CREB5: variants seen among roughly 807,000 people sequenced by gnomAD.
CREB5 encodes the protein cAMP responsive element binding protein 5, also known as cyclic AMP-responsive element-binding protein 5.
A neutral mutation model predicts 57.1 loss-of-function variants in CREB5; 19 were observed. The ratio of observed to expected loss-of-function variants is 0.33; its 90% CI spans 0.23 to 0.49. The LOEUF is 0.49. Among genes scored for constraint, CREB5 ranks in the 20% least tolerant of loss-of-function variants. The pLI is 0.99. For missense variants in CREB5, 579 were observed against 671.6 expected (o/e 0.86, Z 1.52); for synonymous variants, 238 against 238.3 (o/e 1.00, Z 0.01).
chr7:28,680,736 G>T (rs1422288305), intron 5 of CREB5, among the ~76,000 whole-genome samples: 1 of 147,932 alleles, frequency 6.8e-6, no homozygotes, highest in African/African-American at 2.5e-5. Flanking sequence ...TCCAGCCTAG[G>T]CAACAGAACA....
chr7:28,380,159 T>C (rs1394067748), intron 1 of CREB5, among the ~76,000 whole-genome samples: 1 of 152,184 alleles, frequency 6.6e-6, no homozygotes, highest in African/African-American at 2.4e-5. Flanking sequence ...ATCTGTCAAA[T>C]GTTATTGACC....
intron 1 of CREB5, among the ~76,000 whole-genome samples, chr7:28,405,456 T>C (rs1326018775): frequency 5.3e-5 from 8 of 152,318 alleles, no homozygotes; most frequent in Admixed American, 3.3e-4. Flanking sequence ...CTATCATCCA[T>C]GCTGGAGTGC....
chr7:28,521,656 TACTA>T (rs1793212533), intron 4 of CREB5, among the ~76,000 whole-genome samples: 1 of 152,206 alleles, frequency 6.6e-6, no homozygotes, highest in Non-Finnish European at 1.5e-5. Flanking sequence ...AAATAGCTCT[TACTA>T]ACCTTCTACA....
At chr7:28,600,194 T>C (rs1796860548) in intron 5 of CREB5, among the ~76,000 whole-genome samples, 1 of 152,050 alleles carries the variant, frequency 6.6e-6, no homozygotes, top group Non-Finnish European at 1.5e-5. Context: ...TACACTTACC[T>C]CTCCTTGAGC....
At chr7:28,729,701 A>G (rs1039509992) in intron 7 of CREB5, among the ~76,000 whole-genome samples, 2 of 151,312 alleles carry the variant, frequency 1.3e-5, no homozygotes, top group Non-Finnish European at 2.9e-5. Context: ...CCCCAGCTTC[A>G]CTTCCTAAAA....
intron 1 of CREB5, among the ~76,000 whole-genome samples, chr7:28,361,714 T>C (rs1786488139): frequency 6.6e-6 from 1 of 152,182 alleles, no homozygotes; most frequent in African/African-American, 2.4e-5. Flanking sequence ...TCCCACAGCA[T>C]TCAATACATT....
chr7:28,755,651 A>G (rs1189296935), intron 7 of CREB5, among the ~76,000 whole-genome samples: 1 of 152,198 alleles, frequency 6.6e-6, no homozygotes, highest in Non-Finnish European at 1.5e-5. Flanking sequence ...AGTAATAAGA[A>G]AAAAACTTAC....
At chr7:28,394,650 G>T (rs2127998480) in intron 1 of CREB5, among the ~76,000 whole-genome samples, 1 of 151,974 alleles carries the variant, frequency 6.6e-6, no homozygotes, top group Non-Finnish European at 1.5e-5. Context: ...GTTAAAAGAG[G>T]GTCCCCCACC....
intron 5 of CREB5, among the ~76,000 whole-genome samples, chr7:28,684,733 T>C (rs1583542482): frequency 7.7e-6 from 1 of 129,652 alleles, no homozygotes; most frequent in Admixed American, 8.3e-5. Context: ...ATGGTCATTT[T>C]TGGAAAAGGA....
intron 4 of CREB5, among the ~76,000 whole-genome samples, chr7:28,563,949 C>T (rs767375087): frequency 2.0e-5 from 3 of 152,160 alleles, no homozygotes; most frequent in Admixed American, 6.5e-5. Context: ...GGCAGCCTGT[C>T]CTCTTAGCAA....
intron 7 of CREB5, among the ~76,000 whole-genome samples, chr7:28,745,070 A>T (rs989497456): frequency 1.3e-5 from 2 of 152,226 alleles, no homozygotes; most frequent in Non-Finnish European, 2.9e-5. Context: ...GTGCATTTGC[A>T]CAATTCTGAG....
At chr7:28,497,893 T>C (rs1792120250) in intron 3 of CREB5, among the ~76,000 whole-genome samples, 1 of 152,218 alleles carries the variant, frequency 6.6e-6, no homozygotes, top group African/African-American at 2.4e-5. Flanking sequence ...GACTGTTGCT[T>C]GATTTATTTA....
At chr7:28,660,583 C>T (rs1482332256) in intron 5 of CREB5, among the ~76,000 whole-genome samples, 1 of 151,950 alleles carries the variant, frequency 6.6e-6, no homozygotes, top group African/African-American at 2.4e-5. Flanking sequence ...ACTGTCCACA[C>T]AAACATGAAA....
intron 5 of CREB5, among the ~76,000 whole-genome samples, chr7:28,693,833 T>G (rs1801400769): frequency 6.6e-6 from 1 of 152,206 alleles, no homozygotes; most frequent in African/African-American, 2.4e-5. Flanking sequence ...TCTTTGGAAG[T>G]CTGGATAATA....
At chr7:28,615,915 T>A (rs773032272) in intron 5 of CREB5, 4 of 152,216 alleles carry the variant, frequency 2.6e-5, no homozygotes, top group Non-Finnish European at 5.9e-5. Flanking sequence ...GTCACTGGTA[T>A]TTTCTCAGAG....
intron 4 of CREB5, among the ~76,000 whole-genome samples, chr7:28,563,746 A>G (rs1425924748): frequency 6.6e-6 from 1 of 152,194 alleles, no homozygotes; most frequent in Non-Finnish European, 1.5e-5. Flanking sequence ...TAGAGTTTTC[A>G]TAGCCCCCCT....
At chr7:28,608,205 C>T (rs1239343305) in intron 5 of CREB5, among the ~76,000 whole-genome samples, 1 of 151,328 alleles carries the variant, frequency 6.6e-6, no homozygotes, top group Non-Finnish European at 1.5e-5. Context: ...TTCCTTACTC[C>T]TAAAGGAGAA....
intron 1 of CREB5, among the ~76,000 whole-genome samples, chr7:28,417,970 CATGT>C (rs1215767536): frequency 6.6e-6 from 1 of 152,174 alleles, no homozygotes; most frequent in African/African-American, 2.4e-5. Context: ...ATTTGATTTA[CATGT>C]AACCTCGTAG....
At chr7:28,771,345 G>A (rs1335883592) in intron 7 of CREB5, among the ~76,000 whole-genome samples, 1 of 152,214 alleles carries the variant, frequency 6.6e-6, no homozygotes, top group Non-Finnish European at 1.5e-5. Flanking sequence ...GTCAGTTTAC[G>A]TTCCCTCATC....
Sources: gnomAD v4.1 joint callset for allele counts (sites outside exome capture counted in the v4.1 genomes callset) on GRCh38, gnomAD v4.1.1 for gene constraint, MANE v1.5 for transcripts, NCBI Gene and HGNC (gene_info 2026-07-23, HGNC 2026-07-21) for gene names.